FRMD4A: variants seen among roughly 807,000 people sequenced by gnomAD.
FRMD4A encodes FERM domain-containing protein 4A.
Under a neutral mutation model 129.1 loss-of-function variants are expected in FRMD4A, and 29 were observed. That is an observed-to-expected ratio of 0.22 (90% confidence interval 0.17 to 0.31). The LOEUF (loss-of-function observed/expected upper bound fraction) is 0.31, where lower values mean the gene tolerates loss of function less well. Among genes scored for constraint, FRMD4A ranks in the 10% least tolerant of loss-of-function variants. FRMD4A has a pLI of 1.00. For synonymous variants in FRMD4A, 634 were observed against 571.6 expected (o/e 1.11, Z -1.56); for missense variants, 1,272 against 1,375.8 (o/e 0.92, Z 1.19).
intron 2 of FRMD4A, among the ~76,000 whole-genome samples, chr10:14,316,508 C>CAAA (rs760301974): frequency 0.19 from 21,235 of 109,464 alleles, 2,462 homozygotes; most frequent in Admixed American, 0.27. Context: ...GTGATAGCAG[C>CAAA]AAAAAAAAAA....
rs181430129 is a variant in FRMD4A, at chr10:13,740,056, C to T, written c.672+138G>A. On this transcript the variant is annotated intron_variant, in intron 11 of 24. Coordinates refer to ENST00000357447, the MANE Select transcript of FRMD4A (RefSeq NM_018027.5). ...TGGAGGTTGCAGTGAGCCAAGATCGCACCCTGCACACCAGCCTGGGAGACA... is the reference window on the plus strand; with the variant it reads ...TGGAGGTTGCAGTGAGCCAAGATCGTACCCTGCACACCAGCCTGGGAGACA... The T allele has an allele frequency of 1.9e-3, 1,226 of 657,050 alleles. 13 individuals are homozygous for T. Among genetic ancestry groups the T allele is most frequent in the Admixed American group, 0.017 (684 of 39,254 alleles). 40.7% of individuals were successfully genotyped at this position (657,050 alleles called of 1,614,324 possible).
chr10:13,687,548 A>G (rs1208218534), intron 15 of FRMD4A, among the ~76,000 whole-genome samples: 1 of 152,242 alleles, frequency 6.6e-6, no homozygotes, highest in Non-Finnish European at 1.5e-5. Flanking sequence ...AGTTCTTTCA[A>G]CATGGATTTT....
chr10:13,724,730 C>T (rs2134992163), intron 12 of FRMD4A, among the ~76,000 whole-genome samples: 1 of 152,256 alleles, frequency 6.6e-6, no homozygotes, highest in Middle Eastern at 3.4e-3. Context: ...TTATAAATAC[C>T]AAGTGTTGTG....
intron 3 of FRMD4A, among the ~76,000 whole-genome samples, chr10:13,847,441 T>C (rs1213751549): frequency 6.6e-6 from 1 of 152,126 alleles, no homozygotes; most frequent in African/African-American, 2.4e-5. Context: ...GCTTCCTCCC[T>C]CCACCACCAG....
chr10:14,297,013 A>C (rs1266374404), intron 2 of FRMD4A, among the ~76,000 whole-genome samples: 1 of 152,198 alleles, frequency 6.6e-6, no homozygotes, highest in East Asian at 1.9e-4. Flanking sequence ...TGCCCATGTC[A>C]GGGGCAACTG....
chr10:13,758,356 T>G (rs2091942159), intron 8 of FRMD4A, among the ~76,000 whole-genome samples: 1 of 152,212 alleles, frequency 6.6e-6, no homozygotes, highest in South Asian at 2.1e-4. Flanking sequence ...TAGAAAAGCC[T>G]TTTCTAGGGT....
intron 2 of FRMD4A, among the ~76,000 whole-genome samples, chr10:13,974,532 T>A (rs1391228141): frequency 6.6e-6 from 1 of 152,036 alleles, no homozygotes; most frequent in Non-Finnish European, 1.5e-5. Flanking sequence ...ACTGATTGAT[T>A]GATTGATTGA....
intron 7 of FRMD4A, among the ~76,000 whole-genome samples, chr10:13,762,099 T>G (rs1427248869): frequency 5.3e-5 from 8 of 152,234 alleles, no homozygotes; most frequent in Non-Finnish European, 2.9e-5. Flanking sequence ...GTGAATCCAG[T>G]ATAATGCCCT....
chr10:14,298,494 C>T (rs1846081591), intron 2 of FRMD4A, among the ~76,000 whole-genome samples: 1 of 152,212 alleles, frequency 6.6e-6, no homozygotes, highest in African/African-American at 2.4e-5. Context: ...GAAGCCTCCA[C>T]TCAGCTGCAA....
intron 2 of FRMD4A, among the ~76,000 whole-genome samples, chr10:13,925,726 G>A (rs2095126484): frequency 6.6e-6 from 1 of 151,128 alleles, no homozygotes; most frequent in Non-Finnish European, 1.5e-5. Context: ...TGGGACTACA[G>A]GCACGCACCA....
chr10:13,908,640 G>C (rs571812345), intron 2 of FRMD4A, among the ~76,000 whole-genome samples: 1 of 152,288 alleles, frequency 6.6e-6, no homozygotes, highest in Non-Finnish European at 1.5e-5. Flanking sequence ...TTTACAAACA[G>C]CCAGGGCCTT....
At chr10:14,074,295 C>T (rs1301653136) in intron 2 of FRMD4A, 1 of 152,006 alleles carries the variant, frequency 6.6e-6, no homozygotes, top group Admixed American at 6.6e-5. Flanking sequence ...TCGGCACGAC[C>T]CAGGTTCCAT....
At chr10:14,154,084 T>C in intron 2 of FRMD4A, among the ~76,000 whole-genome samples, 1 of 152,146 alleles carries the variant, frequency 6.6e-6, no homozygotes. Flanking sequence ...CATCTGTGTT[T>C]GAAATACTTG....
At chr10:13,849,438 T>C (rs2094109093) in intron 3 of FRMD4A, among the ~76,000 whole-genome samples, 2 of 151,670 alleles carry the variant, frequency 1.3e-5, no homozygotes, top group African/African-American at 2.4e-5. Flanking sequence ...AACATGCACT[T>C]TGGGGGGGAT....
rs1286289601 is a variant in FRMD4A, at chr10:13,674,904, G to A, written c.1251+7C>T. ...AATTTCAACGGGATGAGCTAGGAAA[G>A]GCTTACAGCTTCTCGGAGACACAGC... is the stretch of plus-strand genomic sequence containing the variant. On this transcript the variant is annotated splice_region_variant and intron_variant, in intron 16 of 24. Coordinates refer to ENST00000357447, the MANE Select transcript of FRMD4A (RefSeq NM_018027.5). 5 of 1,613,874 alleles carry A rather than the reference G, an allele frequency of 3.1e-6. No individual in the cohort carries two copies. Among genetic ancestry groups the A allele is most frequent in the Non-Finnish European group, 4.2e-6 (5 of 1,179,870 alleles).
chr10:13,989,814 C>T (rs1481205399), intron 2 of FRMD4A, among the ~76,000 whole-genome samples: 1 of 152,150 alleles, frequency 6.6e-6, no homozygotes, highest in African/African-American at 2.4e-5. Context: ...CACCCAGTTA[C>T]ATTTGAATTT....
intron 2 of FRMD4A, among the ~76,000 whole-genome samples, chr10:14,144,984 C>T (rs1462151609): frequency 6.6e-6 from 1 of 152,080 alleles, no homozygotes; most frequent in Non-Finnish European, 1.5e-5. Flanking sequence ...TGACTGATGC[C>T]TGGTGGAACT....
intron 2 of FRMD4A, among the ~76,000 whole-genome samples, chr10:13,961,876 C>T (rs2095447200): frequency 6.6e-6 from 1 of 152,036 alleles, no homozygotes; most frequent in East Asian, 1.9e-4. Context: ...AGCTCAATGT[C>T]TAGCACATAG....
intron 2 of FRMD4A, among the ~76,000 whole-genome samples, chr10:14,071,228 C>G (rs1835303939): frequency 6.6e-6 from 1 of 152,202 alleles, no homozygotes; most frequent in Non-Finnish European, 1.5e-5. Context: ...ACTAAGTCCC[C>G]TCTGAAACTA....
Sources: allele counts gnomAD v4.1 joint callset (sites outside exome capture counted in the v4.1 genomes callset), GRCh38; gene constraint gnomAD v4.1.1; transcripts MANE v1.5; gene names NCBI Gene and HGNC (gene_info 2026-07-23, HGNC 2026-07-21).